SLC25A21: variants seen among roughly 807,000 people sequenced by gnomAD.
The protein encoded by SLC25A21 is mitochondrial 2-oxodicarboxylate carrier.
A neutral mutation model predicts 43.8 loss-of-function variants in SLC25A21; 47 were observed. The ratio of observed to expected loss-of-function variants is 1.07; its 90% CI spans 0.85 to 1.37. SLC25A21 has a LOEUF of 1.37. SLC25A21 is among the 40% of genes most tolerant of loss of function. The pLI, the probability that SLC25A21 is intolerant of heterozygous loss-of-function variation, is 0.00. For missense variants in SLC25A21, 352 were observed against 350.2 expected (o/e 1.00, Z -0.04); for synonymous variants, 131 against 121.3 (o/e 1.08, Z -0.52).
intron 1 of SLC25A21, among the ~76,000 whole-genome samples, chr14:37,158,430 T>C (rs1963886101): frequency 6.6e-6 from 1 of 152,028 alleles, no homozygotes; most frequent in African/African-American, 2.4e-5. Flanking sequence ...GTTCAACATA[T>C]GCAAATCAAT....
chr14:36,947,566 C>G (rs550047093), intron 1 of SLC25A21, among the ~76,000 whole-genome samples: 7 of 152,184 alleles, frequency 4.6e-5, no homozygotes, highest in African/African-American at 1.7e-4. Flanking sequence ...GATGATTTAC[C>G]ATGTCTGCTC....
intron 1 of SLC25A21, among the ~76,000 whole-genome samples, chr14:36,930,157 C>T (rs1892248589): frequency 6.6e-6 from 1 of 152,106 alleles, no homozygotes; most frequent in Admixed American, 6.6e-5. Context: ...CTGAGGAATT[C>T]CAAGTGAGAA....
intron 1 of SLC25A21, among the ~76,000 whole-genome samples, chr14:36,878,214 T>C (rs747009374): frequency 6.6e-6 from 1 of 152,108 alleles, no homozygotes; most frequent in East Asian, 1.9e-4. Context: ...TCAATGGCCA[T>C]CTATGAAACT....
intron 2 of SLC25A21, among the ~76,000 whole-genome samples, chr14:36,869,388 A>G (rs7157702): frequency 0.44 from 66,884 of 151,944 alleles, 16,085 homozygotes; most frequent in Non-Finnish European, 0.52. Context: ...CAGTGAATGT[A>G]CAATGTCAAC....
chr14:36,917,528 T>G (rs1217052870), intron 1 of SLC25A21, among the ~76,000 whole-genome samples: 2 of 152,140 alleles, frequency 1.3e-5, no homozygotes, highest in Non-Finnish European at 2.9e-5. Context: ...CATGTGCTGT[T>G]CATATTTTTT....
rs1354276468 is a variant in SLC25A21, at chr14:37,172,473, A to T, written c.-123T>A. ...CCTCAAGCGCGTTGGCTCCCTGTGG[A>T]GCAGCAATCCGGCGACTGCTGGAAA... On this transcript the variant is annotated 5_prime_UTR_variant, in exon 1 of 10. Transcript: ENST00000331299. 1.0e-6 allele frequency: 1 copy of T among 997,780 alleles called. No homozygotes were observed. Among genetic ancestry groups the T allele is most frequent in the African/African-American group, 1.6e-5 (1 of 62,284 alleles). 61.8% of individuals were successfully genotyped at this position (997,780 alleles called of 1,614,324 possible).
chr14:36,839,488 C>T (rs763397497), intron 2 of SLC25A21, among the ~76,000 whole-genome samples: 4 of 152,178 alleles, frequency 2.6e-5, no homozygotes, highest in Non-Finnish European at 4.4e-5. Context: ...TAGTAAAACG[C>T]CACACTATAG....
At chr14:36,816,787 A>AGC (rs1192473191) in intron 2 of SLC25A21, among the ~76,000 whole-genome samples, 3 of 152,184 alleles carry the variant, frequency 2.0e-5, no homozygotes, top group African/African-American at 7.2e-5. Context: ...TGCAGGCATG[A>AGC]GCCACTACCC....
intron 6 of SLC25A21, among the ~76,000 whole-genome samples, chr14:36,716,208 A>G (rs1018730829): frequency 6.6e-6 from 1 of 152,212 alleles, no homozygotes; most frequent in African/African-American, 2.4e-5. Flanking sequence ...AAAAGGTCAA[A>G]TATACATGTA....
chr14:37,018,772 G>A (rs1960918648), intron 1 of SLC25A21, among the ~76,000 whole-genome samples: 1 of 151,056 alleles, frequency 6.6e-6, no homozygotes. Flanking sequence ...TGCACTTAGA[G>A]GAAATCTACA....
At chr14:37,155,173 C>A (rs1963827488) in intron 1 of SLC25A21, among the ~76,000 whole-genome samples, 1 of 151,758 alleles carries the variant, frequency 6.6e-6, no homozygotes, top group Non-Finnish European at 1.5e-5. Flanking sequence ...GAGATTCCAG[C>A]AATCCTCCTA....
At chr14:36,839,239 TAACTC>T (rs1889305116) in intron 2 of SLC25A21, among the ~76,000 whole-genome samples, 1 of 152,200 alleles carries the variant, frequency 6.6e-6, no homozygotes, top group Non-Finnish European at 1.5e-5. Flanking sequence ...TTAACACACT[TAACTC>T]ATCTCTGAAA....
intron 1 of SLC25A21, among the ~76,000 whole-genome samples, chr14:36,933,649 T>A (rs1283099327): frequency 3.3e-5 from 5 of 152,104 alleles, no homozygotes; most frequent in Admixed American, 3.3e-4. Context: ...AATAAAACCT[T>A]CACCAGCCTC....
At chr14:37,112,866 G>A (rs1963043616) in intron 1 of SLC25A21, among the ~76,000 whole-genome samples, 1 of 152,046 alleles carries the variant, frequency 6.6e-6, no homozygotes. Context: ...TCTTTTCTGA[G>A]TCACTGTATT....
chr14:36,870,076 C>T (rs1890326225), intron 2 of SLC25A21, among the ~76,000 whole-genome samples: 1 of 152,182 alleles, frequency 6.6e-6, no homozygotes, highest in Non-Finnish European at 1.5e-5. Flanking sequence ...TTGAGCACTA[C>T]TTGGTTCAGC....
intron 1 of SLC25A21, among the ~76,000 whole-genome samples, chr14:37,118,795 AT>A (rs989684903): frequency 6.6e-6 from 1 of 151,604 alleles, no homozygotes; most frequent in African/African-American, 2.4e-5. Context: ...CATTACAATA[AT>A]TTTTTTTTAA....
intron 1 of SLC25A21, among the ~76,000 whole-genome samples, chr14:37,137,414 G>T (rs572935775): frequency 1.3e-5 from 2 of 152,040 alleles, no homozygotes; most frequent in African/African-American, 4.8e-5. Context: ...ATTTAATTTT[G>T]CCCATTATGC....
intron 1 of SLC25A21, among the ~76,000 whole-genome samples, chr14:37,040,232 A>G (rs1173426578): frequency 0.16 from 528 of 3,310 alleles, 95 homozygotes; most frequent in African/African-American, 0.37. Context: ...AAGAAAAAGA[A>G]AGGGAGGAAG....
chr14:36,836,374 C>T (rs1889209770), intron 2 of SLC25A21, among the ~76,000 whole-genome samples: 1 of 152,182 alleles, frequency 6.6e-6, no homozygotes, highest in Non-Finnish European at 1.5e-5. Flanking sequence ...TATATTAGTG[C>T]ACTTCTGTTC....
Sources: gnomAD v4.1 joint callset for allele counts (sites outside exome capture counted in the v4.1 genomes callset) on GRCh38, gnomAD v4.1.1 for gene constraint, MANE v1.5 for transcripts, NCBI Gene and HGNC (gene_info 2026-07-23, HGNC 2026-07-21) for gene names.